CDH1: variants seen among roughly 807,000 people sequenced by gnomAD.
CDH1 encodes the protein cadherin 1.
In CDH1, 35 loss-of-function variants were observed where a neutral mutation model predicts 84.5. The ratio of observed to expected loss-of-function variants is 0.41; its 90% CI spans 0.32 to 0.55. CDH1 has a LOEUF of 0.55. Among genes scored for constraint, CDH1 ranks in the 20% least tolerant of loss-of-function variants. The pLI, the probability that CDH1 is intolerant of heterozygous loss-of-function variation, is 0.19. For missense variants in CDH1, 994 were observed against 1,126.6 expected (o/e 0.88, Z 1.68); for synonymous variants, 417 against 439.0 (o/e 0.95, Z 0.63).
At chr16:68,760,088 T>A (rs199970225) in intron 2 of CDH1, among the ~76,000 whole-genome samples, 10,785 of 62,474 alleles carry the variant, frequency 0.17, 518 homozygotes, top group African/African-American at 0.33. Context: ...ATATATATAT[T>A]TTTTTTTTTT....
At chr16:68,740,565 G>A (rs1309214787) in intron 2 of CDH1, among the ~76,000 whole-genome samples, 2 of 152,124 alleles carry the variant, frequency 1.3e-5, no homozygotes, top group Non-Finnish European at 2.9e-5. Context: ...CTGAGCATGC[G>A]TCTGGGGTGT....
At position 68,834,044 on chromosome 16, in the gene CDH1, C is replaced by A; in HGVS notation, c.*545C>A. 1 of 370,984 alleles carries A rather than the reference C, an allele frequency of 2.7e-6. No individual in the cohort carries two copies. Among genetic ancestry groups the A allele is most frequent in the East Asian group, 5.1e-5 (1 of 19,548 alleles). 23.0% of individuals were successfully genotyped at this position (370,984 alleles called of 1,614,324 possible). The stretch of plus-strand genomic sequence containing the variant: ...CAATCACAGCTCACTGCAGCCTTGT[C>A]CTCCCAGGCTCAAGCTATCCTTGCA... On this transcript the variant is annotated 3_prime_UTR_variant, in exon 16 of 16. Coordinates refer to ENST00000261769, the MANE Select transcript of CDH1 (RefSeq NM_004360.5).
intron 2 of CDH1, among the ~76,000 whole-genome samples, chr16:68,789,112 G>A (rs908092254): frequency 2.0e-5 from 3 of 152,078 alleles, no homozygotes; most frequent in East Asian, 1.9e-4. Context: ...CAGCCTTGAC[G>A]TCCCCAGCTC....
intron 2 of CDH1, among the ~76,000 whole-genome samples, chr16:68,777,771 G>A (rs943458242): frequency 2.0e-5 from 3 of 151,820 alleles, no homozygotes; most frequent in African/African-American, 4.8e-5. Flanking sequence ...TCACTCTGTT[G>A]CCCAGGCTGG....
At chr16:68,805,305 C>T (rs1411647977) in intron 3 of CDH1, among the ~76,000 whole-genome samples, 1 of 152,060 alleles carries the variant, frequency 6.6e-6, no homozygotes, top group Non-Finnish European at 1.5e-5. Context: ...TAGGCGTGAG[C>T]CACCGTGCCC....
chr16:68,824,135 C>T (rs910590091), intron 13 of CDH1, among the ~76,000 whole-genome samples: 8 of 151,370 alleles, frequency 5.3e-5, no homozygotes, highest in Admixed American at 1.3e-4. Flanking sequence ...GTAGCTGGGA[C>T]TATGGGCATG....
intron 2 of CDH1, among the ~76,000 whole-genome samples, chr16:68,745,623 A>ATATG (rs1322043772): frequency 6.0e-4 from 15 of 25,078 alleles, no homozygotes; most frequent in Admixed American, 2.4e-3. Flanking sequence ...ATATATATAT[A>ATATG]TATGTATATA....
At chr16:68,818,239 C>CAAAAAAAAAAAAAAAAAA (rs576537213) in intron 10 of CDH1, among the ~76,000 whole-genome samples, 1 of 83,580 alleles carries the variant, frequency 1.2e-5, no homozygotes, top group African/African-American at 3.3e-5. Context: ...GACTCTGTCC[C>CAAAAAAAAAAAAAAAAAA]AAAAAAAAAA....
At chr16:68,814,884 T>C (rs2152134314) in intron 9 of CDH1, among the ~76,000 whole-genome samples, 1 of 148,662 alleles carries the variant, frequency 6.7e-6, no homozygotes, top group East Asian at 2.0e-4. Context: ...CATGCCACTG[T>C]ACTCCAACCT....
At position 68,834,026 on chromosome 16, in the gene CDH1, A is replaced by G; in HGVS notation, c.*527A>G. 2.8e-6 allele frequency: 1 copy of G among 355,772 alleles called. No individual in the cohort carries two copies. Among genetic ancestry groups the G allele is most frequent in the Non-Finnish European group, 5.3e-6 (1 of 188,082 alleles). 22.0% of individuals were successfully genotyped at this position (355,772 alleles called of 1,614,324 possible). A position where few individuals can be genotyped will look rare whatever the true frequency, so the allele number is the denominator to read the frequency against. ...GGCTGGAGTGCAGTGGTGCAATCAC[A>G]GCTCACTGCAGCCTTGTCCTCCCAG... On this transcript the variant is annotated 3_prime_UTR_variant, in exon 16 of 16. Coordinates refer to ENST00000261769, the MANE Select transcript of CDH1 (RefSeq NM_004360.5).
intron 3 of CDH1, 67 bp from the exon 4 acceptor site, chr16:68,808,357 G>A (rs2152129481): frequency 6.4e-7 from 1 of 1,551,084 alleles, no homozygotes; most frequent in Non-Finnish European, 8.9e-7. Context: ...TGGCTAGGTT[G>A]GACTGTTAGA....
At chr16:68,810,995 T>C (rs1960806175) in intron 6 of CDH1, among the ~76,000 whole-genome samples, 2 of 152,126 alleles carry the variant, frequency 1.3e-5, no homozygotes, top group Non-Finnish European at 2.9e-5. Flanking sequence ...CATGAGCTAC[T>C]ATACCTGGCT....
chr16:68,817,118 G>A (rs1167315925), intron 10 of CDH1, among the ~76,000 whole-genome samples: 1 of 152,226 alleles, frequency 6.6e-6, no homozygotes, highest in Non-Finnish European at 1.5e-5. Context: ...CAAGCCCACA[G>A]TTTCTTAGAG....
intron 2 of CDH1, among the ~76,000 whole-genome samples, chr16:68,783,397 A>G (rs146962415): frequency 0.02 from 2,810 of 137,276 alleles, 101 homozygotes; most frequent in African/African-American, 0.069. Flanking sequence ...TCAAAAAAAA[A>G]AAAAAAAGAA....
At chr16:68,753,030 GA>G (rs1241062989) in intron 2 of CDH1, among the ~76,000 whole-genome samples, 3 of 152,004 alleles carry the variant, frequency 2.0e-5, no homozygotes, top group Non-Finnish European at 4.4e-5. Flanking sequence ...AGCTTGATGA[GA>G]GACGCAAAAA....
At chr16:68,829,943 C>CTT in intron 15 of CDH1, 146 bp downstream of exon 15, 2 of 615,034 alleles carry the variant, frequency 3.3e-6, no homozygotes, top group Non-Finnish European at 5.1e-6. Flanking sequence ...TTTCCTTTTT[C>CTT]TTTTTTTTTC....
intron 2 of CDH1, among the ~76,000 whole-genome samples, chr16:68,770,533 G>A (rs932135934): frequency 2.6e-5 from 4 of 152,022 alleles, no homozygotes; most frequent in African/African-American, 9.7e-5. Context: ...TTCAGGGAAC[G>A]TGGCAATAAA....
intron 12 of CDH1, chr16:68,823,156 C>T: frequency 2.0e-6 from 1 of 504,144 alleles, no homozygotes; most frequent in South Asian, 2.1e-5. Context: ...CCTCTCCCTC[C>T]AGCCACTAGG....
intron 2 of CDH1, among the ~76,000 whole-genome samples, chr16:68,783,687 T>C (rs76673514): frequency 6.6e-6 from 1 of 151,898 alleles, no homozygotes; most frequent in Non-Finnish European, 1.5e-5. Flanking sequence ...ATTTTATTTA[T>C]TTTTTTTGAG....
Sources: allele counts gnomAD v4.1 joint callset (sites outside exome capture counted in the v4.1 genomes callset), GRCh38; gene constraint gnomAD v4.1.1; transcripts MANE v1.5; gene names NCBI Gene and HGNC (gene_info 2026-07-23, HGNC 2026-07-21).